PCDHGB7: variants seen among roughly 807,000 people sequenced by gnomAD.
PCDHGB7 encodes the protein protocadherin gamma subfamily B, 7, also known as protocadherin gamma-B7.
PCDHGB7 carries 37 observed loss-of-function variants against 61.4 expected under a neutral mutation model. The ratio of observed to expected loss-of-function variants is 0.60; its 90% CI spans 0.46 to 0.79. The LOEUF is 0.79. PCDHGB7 is among the 30% of genes least tolerant of loss of function. PCDHGB7 has a pLI of 0.00. For synonymous variants in PCDHGB7, 464 were observed against 503.5 expected (o/e 0.92, Z 1.05); for missense variants, 1,166 against 1,202.5 (o/e 0.97, Z 0.45).
At chr5:141,495,923 T>G (rs1337381299) in intron 2 of PCDHGB7, among the ~76,000 whole-genome samples, 4 of 152,306 alleles carry the variant, frequency 2.6e-5, no homozygotes, top group South Asian at 2.1e-4. Context: ...TTTCTTTGTC[T>G]CTGTCTCTGG....
chr5:141,442,414 ACTT>A (rs1258523193), intron 1 of PCDHGB7: 2 of 152,190 alleles, frequency 1.3e-5, no homozygotes, highest in Non-Finnish European at 2.9e-5. Flanking sequence ...GGCTGAGTGA[ACTT>A]CTTTTTTGAA....
rs560733170 is a variant in PCDHGB7, at chr5:141,503,895, A to G, written c.2475-1498A>G. ...TTGTGCTCACCCACCATGACAAAATATGCACACACACAACGCAACACACAC... is the reference window on the plus strand; with the variant it reads ...TTGTGCTCACCCACCATGACAAAATGTGCACACACACAACGCAACACACAC... On this transcript the variant is annotated intron_variant, in intron 2 of 3. Transcript: ENST00000398594. Among the ~76,000 whole-genome samples, 12 of 152,302 alleles carry G rather than the reference A, an allele frequency of 7.9e-5. No individual in the cohort carries two copies. The South Asian group carries it at 2.1e-3, about 26-fold the overall frequency.
intron 2 of PCDHGB7, among the ~76,000 whole-genome samples, chr5:141,502,165 T>C (rs1017904375): frequency 1.8e-4 from 28 of 152,196 alleles, no homozygotes; most frequent in African/African-American, 6.3e-4. Context: ...AGATATTCAG[T>C]TGAGGAATTT....
intron 1 of PCDHGB7, among the ~76,000 whole-genome samples, chr5:141,435,715 A>G (rs528951395): frequency 6.6e-6 from 1 of 152,328 alleles, no homozygotes; most frequent in African/African-American, 2.4e-5. Context: ...ACAGACACTG[A>G]ATGCTAAAGT....
At chr5:141,427,146 AAT>A (rs1561826638) in intron 1 of PCDHGB7, 1 of 456,990 alleles carries the variant, frequency 2.2e-6, no homozygotes, top group Non-Finnish European at 4.4e-6. Context: ...TGATATTGGA[AAT>A]ATGTTTGTGC....
In PCDHGB7 at chr5:141,491,764, C is replaced by T; in HGVS notation, c.2416-3043C>T. The stretch of plus-strand genomic sequence containing the variant: ...CGGCACTGGAGAAGCCGCCCGTCCT[C>T]ATAAGGGATTGAACTTGCATCCACT... On this transcript the variant is annotated intron_variant, in intron 1 of 3. Transcript: ENST00000398594. The surrounding 1 kb of genome is among the most constrained non-coding windows in gnomAD (Gnocchi z 6.9). The T allele has an allele frequency of 6.4e-7, 1 of 1,570,206 alleles. No homozygotes were observed. Among genetic ancestry groups the T allele is most frequent in the Non-Finnish European group, 8.6e-7 (1 of 1,159,296 alleles).
At chr5:141,459,845 T>C (rs914128032) in intron 1 of PCDHGB7, among the ~76,000 whole-genome samples, 1 of 152,232 alleles carries the variant, frequency 6.6e-6, no homozygotes, top group Admixed American at 6.5e-5. Flanking sequence ...TCTATTTGTA[T>C]ATCTTCTTGA....
chr5:141,477,223 T>C lies in PCDHGB7; in HGVS notation c.2416-17584T>C. The C allele has an allele frequency of 6.2e-7, 1 of 1,614,198 alleles. No homozygotes were observed. On this transcript the variant is annotated intron_variant, in intron 1 of 3. Coordinates refer to ENST00000398594, the MANE Select transcript of PCDHGB7 (RefSeq NM_018927.4). This position sits in a 1 kb window ranked among gnomAD's most constrained non-coding sequence, Gnocchi z 4.9. ...TACCCGAGGATGCCCCTCTGGGGAC[T>C]GTCATCGCTTTGCTCAGTGTGACTG... is the stretch of plus-strand genomic sequence containing the variant.
rs373590502 is a variant in PCDHGB7 at position 141,420,034 on chromosome 5, C to T, written c.2175C>T (p.Asp725=). The change falls in exon 1 of 4, where the codon GAC becomes GAT. Residue 725 remains aspartate, a synonymous_variant. Coordinates refer to ENST00000398594, the MANE Select transcript of PCDHGB7 (RefSeq NM_018927.4). ...AGTCTTTCAGCCCTACTGCAGGAGA[C>T]TGCTTTGAGTCAGTTCTCTGCTCCA... ...LRQSFSPTAG[D]CFESVLCSKS... 126 of 1,613,970 alleles carry T rather than the reference C, an allele frequency of 7.8e-5. No homozygotes were observed. Among genetic ancestry groups the T allele is most frequent in the Non-Finnish European group, 9.3e-5 (110 of 1,179,918 alleles).
chr5:141,458,168 A>G (rs1287422935), intron 1 of PCDHGB7, among the ~76,000 whole-genome samples: 1 of 152,254 alleles, frequency 6.6e-6, no homozygotes. Context: ...TGTTCACAGT[A>G]GTATACCTTA....
Position 141,419,332 on chromosome 5 carries a change from C to A in PCDHGB7, c.1473C>A (p.Leu491=). ...TCAACGGCCGTGTCTCCTACTCTCT[C>A]ATTGCCAGCGACCTGGAGTCACGAA... ...FGLNGRVSYS[L]IASDLESRTL... is the part of the protein sequence containing the mutation. Residue 491 remains leucine (L), a synonymous_variant, in exon 1 of 4, where the codon CTC becomes CTA. Coordinates refer to ENST00000398594, the MANE Select transcript of PCDHGB7 (RefSeq NM_018927.4). 6.2e-7 allele frequency: 1 copy of A among 1,613,950 alleles called. No individual in the cohort carries two copies. Among genetic ancestry groups the A allele is most frequent in the South Asian group, 1.1e-5 (1 of 91,086 alleles).
At chr5:141,475,815 C>T (rs2099373124) in intron 1 of PCDHGB7, 1 of 340,648 alleles carries the variant, frequency 2.9e-6, no homozygotes, top group Non-Finnish European at 5.3e-6. Flanking sequence ...AAGTGAAGTT[C>T]CTGGCGCTAG....
rs866710706 is a variant in PCDHGB7, at chr5:141,485,167, G to A, written c.2416-9640G>A. On this transcript the variant is annotated intron_variant, in intron 1 of 3. Transcript: ENST00000398594. The surrounding 1 kb of genome is among the most constrained non-coding windows in gnomAD (Gnocchi z 5.7). ...AGGAGCAAGTAGAGAATTAGCGGGC[G>A]GCAGCAATGCTCCGCAAGGTGAGAA... The A allele has an allele frequency of 6.2e-7, 1 of 1,608,386 alleles. No homozygotes were observed.
chr5:141,496,723 T>G (rs1312615861), intron 2 of PCDHGB7, among the ~76,000 whole-genome samples: 3 of 152,212 alleles, frequency 2.0e-5, no homozygotes, highest in Non-Finnish European at 4.4e-5. Context: ...AAGTCATTAA[T>G]GTATTCATTC....
chr5:141,512,712 A>G lies in PCDHGB7; in HGVS notation c.*1539A>G, dbSNP rs1362654237. 1 of 152,806 alleles carries G rather than the reference A, an allele frequency of 6.5e-6. No homozygotes were observed. The highest frequency in any genetic ancestry group is 2.4e-5 in the African/African-American group (1 of 41,414). 9.5% of individuals were successfully genotyped at this position (152,806 alleles called of 1,614,324 possible). On this transcript the variant is annotated 3_prime_UTR_variant, in exon 4 of 4. Coordinates refer to ENST00000398594, the MANE Select transcript of PCDHGB7 (RefSeq NM_018927.4). Reference sequence around the variant, plus strand: ...GTGTAGTGCGGTGTGCTTTTACGTGATGGCGGGTGGGCAGCGGGCGGCGGG... The same window carrying G: ...GTGTAGTGCGGTGTGCTTTTACGTGGTGGCGGGTGGGCAGCGGGCGGCGGG...
chr5:141,455,580 T>G (rs572453788), intron 1 of PCDHGB7, among the ~76,000 whole-genome samples: 26 of 152,142 alleles, frequency 1.7e-4, no homozygotes, highest in Middle Eastern at 3.2e-3. Context: ...ACCCCAGCCT[T>G]TTAATATGCA....
intron 1 of PCDHGB7, among the ~76,000 whole-genome samples, chr5:141,449,594 A>T (rs2098647409): frequency 6.6e-6 from 1 of 150,814 alleles, no homozygotes; most frequent in Non-Finnish European, 1.5e-5. Context: ...GTCTCAAAAA[A>T]AAAAAAAAAA....
intron 1 of PCDHGB7, chr5:141,478,131 A>G (rs747801474): frequency 6.2e-7 from 1 of 1,614,064 alleles, no homozygotes; most frequent in Non-Finnish European, 8.5e-7. Flanking sequence ...GACTCTCCTG[A>G]AGCCCGAGCC....
rs2099692694 is a variant in PCDHGB7, at chr5:141,489,817, GAGCTGGTGCTAGAGCAGC to G, written c.2416-4983_2416-4966del. On this transcript the variant is annotated intron_variant, in intron 1 of 3. Transcript: ENST00000398594. This position sits in a 1 kb window ranked among gnomAD's most constrained non-coding sequence, Gnocchi z 4.5. ...CCTAAAAGATGGGAAGCCATTCCCA[GAGCTGGTGCTAGAGCAGC>G]AGCTGGATCGTGAAGCCCAGGCAAG... 6 of 1,613,992 alleles carry G rather than the reference GAGCTGGTGCTAGAGCAGC, an allele frequency of 3.7e-6. No individual in the cohort carries two copies. Among genetic ancestry groups the G allele is most frequent in the Non-Finnish European group, 5.1e-6 (6 of 1,179,944 alleles).
Sources: allele counts gnomAD v4.1 joint callset (sites outside exome capture counted in the v4.1 genomes callset), GRCh38; gene constraint gnomAD v4.1.1; non-coding constraint Gnocchi (gnomAD v3.1); transcripts MANE v1.5; gene names NCBI Gene and HGNC (gene_info 2026-07-23, HGNC 2026-07-21).